The following ZCCHC17 variants were observed in gnomAD, a reference collection of about 807,000 sequenced individuals.
ZCCHC17 encodes the protein zinc finger CCHC-type containing 17, also known as zinc finger CCHC domain-containing protein 17.
In ZCCHC17, 18 loss-of-function variants were observed where a neutral mutation model predicts 30.6. That is an observed-to-expected ratio of 0.59 (90% confidence interval 0.41 to 0.87). ZCCHC17 has a LOEUF of 0.87. Ranked by LOEUF, ZCCHC17 falls within the 40% of genes least tolerant of loss-of-function variation. The pLI is 0.00. For synonymous variants in ZCCHC17, 88 were observed against 92.4 expected, an observed-to-expected ratio of 0.95 and a Z score of 0.27; for missense variants, 263 against 284.2, an observed-to-expected ratio of 0.93 and a Z score of 0.54.
intron 4 of ZCCHC17, 121 bp downstream of exon 4, chr1:31,337,396 C>A: frequency 1.2e-6 from 1 of 844,384 alleles, no homozygotes; most frequent in Non-Finnish European, 1.9e-6. Flanking sequence ...ATTTTTAAAT[C>A]CTGCCATTAG....
Position 31,346,641 on chromosome 1 carries a change from C to G in ZCCHC17, c.319C>G (p.Gln107Glu). ...DLDPNNVIIE[Q>E]EERRRRSFQD... ...CAGTCGGTATCTTTTTCATTATAGG[C>G]AAGAAGAGAGGCGGAGGCGATCCTT... The change falls in exon 6 of 8, where the codon CAA becomes GAA. Residue 107 changes from glutamine (Q) to glutamate (E), a missense_variant and splice_region_variant. Gln to Glu is a conservative substitution (Grantham distance 29, BLOSUM62 2). Coordinates refer to ENST00000344147, the MANE Select transcript of ZCCHC17 (RefSeq NM_016505.4). 6.2e-7 allele frequency: 1 copy of G among 1,607,530 alleles called. No homozygotes were observed.
intron 3 of ZCCHC17, among the ~76,000 whole-genome samples, chr1:31,331,251 G>T (rs539622422): frequency 6.6e-6 from 1 of 151,526 alleles, no homozygotes; most frequent in Non-Finnish European, 1.5e-5. Flanking sequence ...AGTGATTCCT[G>T]TGCCTCAGCC....
chr1:31,338,880 C>T (rs531577564), intron 4 of ZCCHC17, 77 bp from the exon 5 acceptor site: 450 of 922,034 alleles, frequency 4.9e-4, no homozygotes, highest in Non-Finnish European at 6.9e-4. Context: ...ATGATGAAAA[C>T]GTTGACTCTT....
chr1:31,338,830 TC>T, intron 4 of ZCCHC17, 126 bp from the exon 5 acceptor site: 2 of 620,868 alleles, frequency 3.2e-6, no homozygotes, highest in Non-Finnish European at 5.6e-6. Context: ...TCTGCAATGT[TC>T]CTAGCACAGT....
intron 3 of ZCCHC17, among the ~76,000 whole-genome samples, chr1:31,330,244 C>T (rs548317381): frequency 6.6e-6 from 1 of 152,298 alleles, no homozygotes; most frequent in East Asian, 1.9e-4. Flanking sequence ...CTATAATGGG[C>T]TCACTCTGTT....
At position 31,348,977 on chromosome 1, in the gene ZCCHC17, G is replaced by T. The variant is rs1440269048; in HGVS notation, c.564+3G>T. Reference sequence around the variant, plus strand: ...ATCCTTCTAGAAAAAGAAAGAAGGTGAATGCTACTTTGCTTTTATTTTATC... The same window carrying T: ...ATCCTTCTAGAAAAAGAAAGAAGGTTAATGCTACTTTGCTTTTATTTTATC... On this transcript the variant is annotated splice_donor_region_variant and intron_variant, in intron 7 of 7. Transcript: ENST00000344147. 2 of 1,566,310 alleles carry T rather than the reference G, an allele frequency of 1.3e-6. No homozygotes were observed. The highest frequency in any genetic ancestry group is 2.1e-5 in the Admixed American group (1 of 46,742).
chr1:31,337,037 CA>C lies in ZCCHC17; in HGVS notation c.125-137del, dbSNP rs1638846487. The C allele has an allele frequency of 7.5e-6, 5 of 664,400 alleles. No individual in the cohort carries two copies. The Admixed American group carries it at 1.6e-4, about 21-fold the overall frequency. 41.2% of individuals were successfully genotyped at this position (664,400 alleles called of 1,614,324 possible). On this transcript the variant is annotated intron_variant, in intron 3 of 7. Transcript: ENST00000344147. ...GGGTATAAAAAGCAGTCTCAATTTG[CA>C]GTTTTAAGTTTCACGCTTTTCAGTA...
At chr1:31,330,969 T>A (rs1346058329) in intron 3 of ZCCHC17, among the ~76,000 whole-genome samples, 1 of 152,022 alleles carries the variant, frequency 6.6e-6, no homozygotes. Context: ...CCATACAGAG[T>A]ATAGTTTCAG....
chr1:31,312,867 G>C (rs944892401), intron 2 of ZCCHC17, among the ~76,000 whole-genome samples: 5 of 151,840 alleles, frequency 3.3e-5, no homozygotes, highest in African/African-American at 1.2e-4. Context: ...CCACCTCCCA[G>C]GTTCAAGCAA....
intron 1 of ZCCHC17, among the ~76,000 whole-genome samples, chr1:31,309,533 TG>T (rs1646546762): frequency 6.6e-6 from 1 of 152,138 alleles, no homozygotes; most frequent in Non-Finnish European, 1.5e-5. Flanking sequence ...CAGGCTGGTC[TG>T]GAACTCCTGA....
intron 3 of ZCCHC17, among the ~76,000 whole-genome samples, chr1:31,333,975 C>G (rs1447443420): frequency 6.6e-6 from 1 of 152,294 alleles, no homozygotes; most frequent in Non-Finnish European, 1.5e-5. Flanking sequence ...AGGGCTTCCC[C>G]TTTATGGGAT....
Position 31,364,208 on chromosome 1 carries a change from T to C in ZCCHC17, c.*15T>C. ...ACAAGGAGTGAGAGTATAAAGAGTGTAGGGGGTGGTTGAGAGTAAGAAACC... is the reference window on the plus strand; with the variant it reads ...ACAAGGAGTGAGAGTATAAAGAGTGCAGGGGGTGGTTGAGAGTAAGAAACC... On this transcript the variant is annotated 3_prime_UTR_variant, in exon 8 of 8. Coordinates refer to ENST00000344147, the MANE Select transcript of ZCCHC17 (RefSeq NM_016505.4). The C allele has an allele frequency of 6.2e-7, 1 of 1,606,194 alleles. No homozygotes were observed. The highest frequency in any genetic ancestry group is 8.5e-7 in the Non-Finnish European group (1 of 1,177,406).
intron 7 of ZCCHC17, among the ~76,000 whole-genome samples, chr1:31,363,207 G>A (rs765440166): frequency 2.1e-5 from 3 of 141,244 alleles, no homozygotes; most frequent in African/African-American, 5.3e-5. Flanking sequence ...TTTTTGAGAC[G>A]GAGTCTCGCT....
chr1:31,329,697 C>T (rs533965793), intron 3 of ZCCHC17, among the ~76,000 whole-genome samples: 1 of 152,226 alleles, frequency 6.6e-6, no homozygotes, highest in South Asian at 2.1e-4. Context: ...GGGCATAGTA[C>T]AATACTTGAG....
chr1:31,302,585 G>A (rs1429493559), intron 1 of ZCCHC17, among the ~76,000 whole-genome samples: 1 of 152,146 alleles, frequency 6.6e-6, no homozygotes, highest in African/African-American at 2.4e-5. Flanking sequence ...GATTTAGACC[G>A]TGTATTAGCC....
chr1:31,347,330 C>T (rs1639312092), intron 6 of ZCCHC17, among the ~76,000 whole-genome samples: 4 of 152,170 alleles, frequency 2.6e-5, no homozygotes, highest in Admixed American at 2.6e-4. Context: ...GCCAGCTTCT[C>T]ATTTTCAGGT....
intron 3 of ZCCHC17, among the ~76,000 whole-genome samples, chr1:31,324,827 A>G (rs1056701906): frequency 6.6e-6 from 1 of 151,588 alleles, no homozygotes; most frequent in Non-Finnish European, 1.5e-5. Context: ...GATGGTGACA[A>G]GAGGCAGACA....
At chr1:31,346,794 T>G in intron 6 of ZCCHC17, 54 bp downstream of exon 6, 1 of 1,610,818 alleles carries the variant, frequency 6.2e-7, no homozygotes, top group Admixed American at 1.7e-5. Flanking sequence ...ATGGACCCTT[T>G]TCTGGAAGAA....
At position 31,301,616 on chromosome 1, in the gene ZCCHC17, C is replaced by T. The variant is rs534522880; in HGVS notation, c.-56+4541C>T. ...GAATAATTGACTGAAAGTGTAGTGTCGAGTGGTAGAATAAGTGCTGATCCT... is the reference window on the plus strand; with the variant it reads ...GAATAATTGACTGAAAGTGTAGTGTTGAGTGGTAGAATAAGTGCTGATCCT... On this transcript the variant is annotated intron_variant, in intron 1 of 7. Transcript: ENST00000344147. Among the ~76,000 whole-genome samples, 6 of 151,806 alleles carry T rather than the reference C, an allele frequency of 4.0e-5. No homozygotes were observed. In the South Asian group the frequency reaches 6.3e-4, roughly 16 times the overall value.
Sources: gnomAD v4.1 joint callset for allele counts (sites outside exome capture counted in the v4.1 genomes callset) on GRCh38, gnomAD v4.1.1 for gene constraint, MANE v1.5 for transcripts, NCBI Gene and HGNC (gene_info 2026-07-23, HGNC 2026-07-21) for gene names.